The following REDIC1 variants were observed in gnomAD, a reference collection of about 807,000 sequenced individuals.
REDIC1 encodes the protein HEI10 Interacting Protein 1.
At chr12:39,665,238 T>G in the REDIC1 span, among the ~76,000 whole-genome samples, 1 of 152,184 alleles carries the variant, frequency 6.6e-6, no homozygotes, top group Non-Finnish European at 1.5e-5. Flanking sequence ...CCATCTTGAA[T>G]TAGTTTTTGT....
At chr12:39,635,483 G>A in the REDIC1 span, among the ~76,000 whole-genome samples, 3 of 152,250 alleles carry the variant, frequency 2.0e-5, no homozygotes, top group East Asian at 5.8e-4. Flanking sequence ...ATGAATTTAT[G>A]TCCTTTGCGG....
the REDIC1 span, among the ~76,000 whole-genome samples, chr12:39,713,871 G>A: frequency 1.4e-5 from 2 of 147,436 alleles, no homozygotes; most frequent in African/African-American, 5.0e-5. Flanking sequence ...ACATATATAT[G>A]TATATTTACG....
the REDIC1 span, among the ~76,000 whole-genome samples, chr12:39,773,091 A>T: frequency 5.3e-5 from 8 of 152,244 alleles, no homozygotes; most frequent in Non-Finnish European, 1.0e-4. Context: ...GTAGAAGAAC[A>T]TAATGCTCCC....
the REDIC1 span, among the ~76,000 whole-genome samples, chr12:39,690,431 A>C: frequency 6.6e-6 from 1 of 152,212 alleles, no homozygotes; most frequent in Admixed American, 6.5e-5. Context: ...ACAAAATTCA[A>C]GAGTGATGAT....
the REDIC1 span, among the ~76,000 whole-genome samples, chr12:39,789,153 G>GA: frequency 6.6e-6 from 1 of 152,016 alleles, no homozygotes; most frequent in Admixed American, 6.6e-5. Context: ...ACCACTTTCT[G>GA]ATAGGATCCC....
At chr12:39,847,306 T>C in the REDIC1 span, among the ~76,000 whole-genome samples, 1 of 152,024 alleles carries the variant, frequency 6.6e-6, no homozygotes, top group Non-Finnish European at 1.5e-5. Flanking sequence ...TCCCTCCTCC[T>C]TTTTAAGAGA....
the REDIC1 span, among the ~76,000 whole-genome samples, chr12:39,849,180 T>TA: frequency 2.0e-5 from 3 of 151,984 alleles, no homozygotes; most frequent in African/African-American, 4.8e-5. Flanking sequence ...AATAAAGATT[T>TA]AAAAAAAAAT....
chr12:39,669,430 G>A, the REDIC1 span, among the ~76,000 whole-genome samples: 2 of 152,152 alleles, frequency 1.3e-5, no homozygotes, highest in Non-Finnish European at 2.9e-5. Flanking sequence ...TCTCAGAGGA[G>A]TACCCGGCCC....
the REDIC1 span, among the ~76,000 whole-genome samples, chr12:39,899,639 C>T: frequency 6.6e-6 from 1 of 152,064 alleles, no homozygotes; most frequent in Non-Finnish European, 1.5e-5. Flanking sequence ...TTTCCCTCTA[C>T]ACACTGCTTT....
At chr12:39,843,670 T>C in the REDIC1 span, among the ~76,000 whole-genome samples, 1 of 152,084 alleles carries the variant, frequency 6.6e-6, no homozygotes, top group Non-Finnish European at 1.5e-5. Flanking sequence ...TCCAGCTCTA[T>C]GCTTCACCTC....
the REDIC1 span, among the ~76,000 whole-genome samples, chr12:39,743,292 C>G: frequency 6.6e-6 from 1 of 152,122 alleles, no homozygotes; most frequent in Non-Finnish European, 1.5e-5. Flanking sequence ...AACTGAGAAG[C>G]ACTTGTGAAG....
At chr12:39,716,352 TAAA>T in the REDIC1 span, among the ~76,000 whole-genome samples, 1 of 152,070 alleles carries the variant, frequency 6.6e-6, no homozygotes, top group Non-Finnish European at 1.5e-5. Context: ...GATTGCACAG[TAAA>T]CTTTCATTTA....
chr12:39,654,497 A>C, the REDIC1 span, among the ~76,000 whole-genome samples: 30 of 151,982 alleles, frequency 2.0e-4, no homozygotes, highest in African/African-American at 7.2e-4. Context: ...CTGAGGCAGG[A>C]GAATGGTGTG....
At chr12:39,877,569 T>C in the REDIC1 span, among the ~76,000 whole-genome samples, 2 of 152,194 alleles carry the variant, frequency 1.3e-5, no homozygotes, top group East Asian at 3.9e-4. Flanking sequence ...GCAATAACTA[T>C]ATTCTCTTTC....
At chr12:39,708,825 A>T in the REDIC1 span, among the ~76,000 whole-genome samples, 1 of 151,814 alleles carries the variant, frequency 6.6e-6, no homozygotes, top group Non-Finnish European at 1.5e-5. Flanking sequence ...TGCACTTTTT[A>T]AAAAGTTTTT....
chr12:39,701,807 A>G, the REDIC1 span, among the ~76,000 whole-genome samples: 1 of 151,900 alleles, frequency 6.6e-6, no homozygotes, highest in Non-Finnish European at 1.5e-5. Context: ...GCTCAACTAC[A>G]TGGAAACTGA....
the REDIC1 span, among the ~76,000 whole-genome samples, chr12:39,707,750 A>T: frequency 6.6e-6 from 1 of 152,030 alleles, no homozygotes; most frequent in South Asian, 2.1e-4. Context: ...TGCATTTTTT[A>T]AAAAGTTTTT....
chr12:39,744,071 A>G, the REDIC1 span, among the ~76,000 whole-genome samples: 1 of 152,296 alleles, frequency 6.6e-6, no homozygotes, highest in African/African-American at 2.4e-5. Context: ...CAGAAAAATC[A>G]CACATAAAAA....
the REDIC1 span, among the ~76,000 whole-genome samples, chr12:39,775,681 C>G: frequency 6.6e-6 from 1 of 152,126 alleles, no homozygotes; most frequent in Non-Finnish European, 1.5e-5. Flanking sequence ...GGTAAGATAT[C>G]AAACTACAAA....
Sources: gnomAD v4.1 joint callset for allele counts (sites outside exome capture counted in the v4.1 genomes callset) on GRCh38, gnomAD v4.1.1 for gene constraint, MANE v1.5 for transcripts, NCBI Gene and HGNC (gene_info 2026-07-23, HGNC 2026-07-21) for gene names.